FBXO4: variants seen among roughly 807,000 people sequenced by gnomAD.
The protein encoded by FBXO4 is F-box protein 4.
Under a neutral mutation model 43.7 loss-of-function variants are expected in FBXO4, and 36 were observed. That is an observed-to-expected ratio of 0.82 (90% CI 0.63 to 1.09). FBXO4 has a LOEUF of 1.09. Among genes scored for constraint, FBXO4 ranks in the 50% least tolerant of loss-of-function variants. FBXO4 has a pLI of 0.00. For missense variants in FBXO4, 435 were observed against 474.1 expected (o/e 0.92, Z 0.77); for synonymous variants, 180 against 165.6 (o/e 1.09, Z -0.67).
chr5:42,016,231 A>G, the FBXO4 span, among the ~76,000 whole-genome samples: 1 of 152,156 alleles, frequency 6.6e-6, no homozygotes, highest in Non-Finnish European at 1.5e-5. Context: ...CTTGTCCTGC[A>G]GACAGAGGTG....
chr5:41,928,307 T>G (rs1442299214), intron 2 of FBXO4, among the ~76,000 whole-genome samples: 1 of 152,078 alleles, frequency 6.6e-6, no homozygotes, highest in African/African-American at 2.4e-5. Context: ...GTACTTATCA[T>G]TTTTACAACC....
chr5:41,933,873 G>A (rs536309737), intron 3 of FBXO4, 73 bp from the exon 4 acceptor site: 59 of 1,249,482 alleles, frequency 4.7e-5, no homozygotes, highest in Middle Eastern at 2.8e-4. Flanking sequence ...TGCTTTCACC[G>A]GGTAATTTTC....
At chr5:42,031,967 C>A in the FBXO4 span, among the ~76,000 whole-genome samples, 1 of 152,012 alleles carries the variant, frequency 6.6e-6, no homozygotes, top group Non-Finnish European at 1.5e-5. Context: ...CAGGAGAATT[C>A]TCTGGATTAC....
At chr5:41,928,057 G>T (rs2112568260) in intron 2 of FBXO4, among the ~76,000 whole-genome samples, 1 of 151,830 alleles carries the variant, frequency 6.6e-6, no homozygotes, top group South Asian at 2.1e-4. Context: ...TTCAAATTTT[G>T]AGTTATTCAG....
the FBXO4 span, among the ~76,000 whole-genome samples, chr5:42,019,517 C>T: frequency 6.6e-6 from 1 of 151,926 alleles, no homozygotes; most frequent in Admixed American, 6.6e-5. Flanking sequence ...GGTGAAACCC[C>T]ATCTCTACTA....
the FBXO4 span, among the ~76,000 whole-genome samples, chr5:41,978,066 T>C: frequency 5.9e-5 from 9 of 152,146 alleles, no homozygotes. Flanking sequence ...GCTTGGCTTC[T>C]GGTGAGGGCC....
chr5:41,988,525 C>G, the FBXO4 span, among the ~76,000 whole-genome samples: 1 of 152,088 alleles, frequency 6.6e-6, no homozygotes, highest in Non-Finnish European at 1.5e-5. Flanking sequence ...TGACTGGGCC[C>G]CCTGGATGTT....
chr5:41,987,074 A>G, the FBXO4 span, among the ~76,000 whole-genome samples: 1 of 152,276 alleles, frequency 6.6e-6, no homozygotes, highest in East Asian at 1.9e-4. Context: ...AATAACACAC[A>G]GGAGTTTGTT....
the FBXO4 span, among the ~76,000 whole-genome samples, chr5:42,000,246 C>T: frequency 6.6e-6 from 1 of 152,038 alleles, no homozygotes; most frequent in Non-Finnish European, 1.5e-5. Flanking sequence ...TATGTTGATT[C>T]CATATCTTGG....
At chr5:42,010,703 T>C in the FBXO4 span, among the ~76,000 whole-genome samples, 5 of 152,186 alleles carry the variant, frequency 3.3e-5, no homozygotes, top group African/African-American at 1.2e-4. Context: ...TTATCTTAGG[T>C]ATATACCCTG....
At chr5:42,012,932 G>A in the FBXO4 span, among the ~76,000 whole-genome samples, 1 of 152,138 alleles carries the variant, frequency 6.6e-6, no homozygotes, top group South Asian at 2.1e-4. Context: ...ATCCTATAAA[G>A]AATTGCCTAA....
chr5:42,017,430 C>T, the FBXO4 span, among the ~76,000 whole-genome samples: 2 of 150,716 alleles, frequency 1.3e-5, no homozygotes, highest in African/African-American at 4.9e-5. Flanking sequence ...CAAAAAATTT[C>T]TTTTTTTTTC....
At chr5:41,971,240 G>A in the FBXO4 span, among the ~76,000 whole-genome samples, 3 of 151,684 alleles carry the variant, frequency 2.0e-5, no homozygotes, top group East Asian at 5.8e-4. Context: ...GTGTATGTGT[G>A]TGTGTGTGTA....
chr5:42,032,884 C>T, the FBXO4 span, among the ~76,000 whole-genome samples: 1 of 152,160 alleles, frequency 6.6e-6, no homozygotes, highest in African/African-American at 2.4e-5. Context: ...ACCCAAAGCC[C>T]TCAACATAGT....
the FBXO4 span, among the ~76,000 whole-genome samples, chr5:41,999,754 C>T: frequency 6.6e-6 from 1 of 151,200 alleles, no homozygotes; most frequent in Non-Finnish European, 1.5e-5. Context: ...AAGCCAGTCT[C>T]ATCTTTTCAC....
At chr5:41,961,261 A>G in the FBXO4 span, among the ~76,000 whole-genome samples, 3 of 151,788 alleles carry the variant, frequency 2.0e-5, no homozygotes, top group Non-Finnish European at 2.9e-5. Flanking sequence ...GCAGTGTTTG[A>G]TGGTGATGGC....
rs746430469 is a variant in FBXO4 at position 41,933,949 on chromosome 5, TTGG to T, written c.651_653del (p.Gly218del). ...TAACTGTGATTTTCTTTCTTAGGTATTGGATCAGGAGTCAATTTTCAGTTGAAC... is the reference window on the plus strand; with the variant it reads ...TAACTGTGATTTTCTTTCTTAGGTATATCAGGAGTCAATTTTCAGTTGAAC... On this transcript the variant is annotated inframe_deletion, in exon 4 of 7. Transcript: ENST00000281623. 41 of 1,609,616 alleles carry T rather than the reference TTGG, an allele frequency of 2.5e-5. No individual in the cohort carries two copies. The highest frequency in any genetic ancestry group is 1.4e-4 in the South Asian group (13 of 89,970).
the FBXO4 span, among the ~76,000 whole-genome samples, chr5:42,005,554 C>T: frequency 6.6e-6 from 1 of 152,146 alleles, no homozygotes; most frequent in South Asian, 2.1e-4. Context: ...CATTCTGAGT[C>T]CTCCATCTGA....
chr5:42,011,256 T>C, the FBXO4 span, among the ~76,000 whole-genome samples: 677 of 152,292 alleles, frequency 4.4e-3, 7 homozygotes, highest in African/African-American at 0.016. Flanking sequence ...GTTTTGGTAA[T>C]GGAGACAGTT....
Sources: allele counts gnomAD v4.1 joint callset (sites outside exome capture counted in the v4.1 genomes callset), GRCh38; gene constraint gnomAD v4.1.1; transcripts MANE v1.5; gene names NCBI Gene and HGNC (gene_info 2026-07-23, HGNC 2026-07-21).